Variants in LRCH2 observed in about 807,000 individuals in gnomAD.
LRCH2 encodes leucine-rich repeat and calponin homology domain-containing protein 2.
LRCH2 carries 38 observed loss-of-function variants against 68.9 expected under a neutral mutation model. The observed-to-expected ratio is 0.55, with a 90% CI of 0.43 to 0.72. The LOEUF is 0.72. LRCH2 is among the 30% of genes least tolerant of loss of function. The pLI is 0.00. For synonymous variants in LRCH2, 191 were observed against 208.1 expected, an observed-to-expected ratio of 0.92 and a Z score of 0.71; for missense variants, 528 against 572.9, an observed-to-expected ratio of 0.92 and a Z score of 0.80.
At chrX:115,142,988 T>G (rs1451016280) in intron 14 of LRCH2, among the ~76,000 whole-genome samples, 3 of 110,113 alleles carry the variant, frequency 2.7e-5, no homozygotes, top group African/African-American at 9.9e-5. Flanking sequence ...CCCAGCTACT[T>G]GGAAGGCTGA....
At chrX:115,188,443 C>T in intron 1 of LRCH2, 73 bp from the exon 2 acceptor site, 4 of 747,015 alleles carry the variant, frequency 5.4e-6, no homozygotes, top group Non-Finnish European at 7.4e-6. Flanking sequence ...TTCACACTTG[C>T]TGAATCACTT....
chrX:115,152,913 G>C (rs1241934510), intron 12 of LRCH2, among the ~76,000 whole-genome samples: 5 of 110,954 alleles, frequency 4.5e-5, no homozygotes, highest in African/African-American at 1.6e-4. Flanking sequence ...TATTCTCATA[G>C]AAAACAGTAC....
intron 1 of LRCH2, chrX:115,191,159 G>T: frequency 2.6e-6 from 3 of 1,167,149 alleles, no homozygotes; most frequent in Non-Finnish European, 2.3e-6. Flanking sequence ...GACGCCTACA[G>T]TGGGGGCCAC....
chrX:115,198,541 C>T (rs886478321), intron 1 of LRCH2: 11 of 134,435 alleles, frequency 8.2e-5, no homozygotes, highest in Non-Finnish European at 1.5e-4. Context: ...ACCAAACACA[C>T]CAAGTGTGTG....
rs782395548 is a variant in LRCH2, at chrX:115,165,405, C to T, written c.1355G>A (p.Arg452Lys). Residue 452 changes from arginine (R) to lysine (K), a missense_variant and splice_region_variant, in exon 10 of 21, where the codon AGA (arginine) becomes AAA (lysine). Arg to Lys is a conservative substitution (Grantham distance 26). Transcript: ENST00000317135. The stretch of plus-strand genomic sequence containing the variant: ...ACATTTCATTTTCATATGTGCTTAC[C>T]TTTTTTCATCTCCTAATTCTTCATT... ...RKNEELGDEK[R>K]LEKEQLLAEE... 195 of 1,113,444 alleles carry T rather than the reference C, an allele frequency of 1.8e-4. No individual in the cohort carries two copies. Among genetic ancestry groups the T allele is most frequent in the Admixed American group, 1.6e-4 (6 of 36,398 alleles). 91.8% of individuals were successfully genotyped at this position (1,113,444 alleles called of 1,213,427 possible). A position where few individuals can be genotyped will look rare whatever the true frequency, so the allele number is the denominator to read the frequency against.
intron 15 of LRCH2, among the ~76,000 whole-genome samples, chrX:115,129,026 A>G (rs781869820): frequency 5.3e-5 from 6 of 112,176 alleles, no homozygotes; most frequent in Non-Finnish European, 1.1e-4. Context: ...TTAGAAGCAA[A>G]AACTTTTTAA....
chrX:115,181,695 C>T (rs1189791768), intron 3 of LRCH2, among the ~76,000 whole-genome samples: 2 of 112,406 alleles, frequency 1.8e-5, no homozygotes, highest in African/African-American at 6.5e-5. Context: ...TGATTTACAA[C>T]TGTCAATTAG....
At chrX:115,134,227 G>C (rs1366190271) in intron 14 of LRCH2, among the ~76,000 whole-genome samples, 1 of 112,287 alleles carries the variant, frequency 8.9e-6, no homozygotes. Context: ...TGTAGAGGTT[G>C]GTTGGTTCAT....
At position 115,166,371 on chromosome X, in the gene LRCH2, T is replaced by C. The variant is rs782137891; in HGVS notation, c.999-29A>G. 2.9e-5 allele frequency: 29 copies of C among 990,556 alleles called. No homozygotes were observed. The African/African-American group carries it at 4.0e-4, about 14-fold the overall frequency. 81.6% of individuals were successfully genotyped at this position (990,556 alleles called of 1,213,427 possible). A position where few individuals can be genotyped will look rare whatever the true frequency, so the allele number is the denominator to read the frequency against. ...TGGAAATAGAAATCCTAAGAGCAGTTAGGATTTTCTTCTTAAATAGATAAT... is the reference window on the plus strand; with the variant it reads ...TGGAAATAGAAATCCTAAGAGCAGTCAGGATTTTCTTCTTAAATAGATAAT... On this transcript the variant is annotated intron_variant, in intron 6 of 20. Coordinates refer to ENST00000317135, the MANE Select transcript of LRCH2 (RefSeq NM_020871.4).
At chrX:115,229,030 T>C (rs2073136860) in intron 1 of LRCH2, among the ~76,000 whole-genome samples, 1 of 111,574 alleles carries the variant, frequency 9.0e-6, no homozygotes, top group Non-Finnish European at 1.9e-5. Context: ...CATAATCATG[T>C]TTCCAAAGTA....
chrX:115,163,605 G>C, intron 11 of LRCH2, 71 bp downstream of exon 11: 1 of 751,053 alleles, frequency 1.3e-6, no homozygotes. Context: ...CATATACTTT[G>C]ATAATCTTTA....
Position 115,170,450 on chromosome X carries a change from A to C in LRCH2, c.865-18T>G. On this transcript the variant is annotated intron_variant, in intron 5 of 20. Transcript: ENST00000317135. ...AAACATATCTGTCAATAAAAAATAA[A>C]GATTTAATTATATAGTTCCAAATAT... 7 of 1,051,301 alleles carry C rather than the reference A, an allele frequency of 6.7e-6. No homozygotes were observed. The highest frequency in any genetic ancestry group is 8.7e-6 in the Non-Finnish European group (7 of 806,238). The allele number at this position is 1,051,301 out of a possible 1,213,427, so 86.6% of individuals were successfully genotyped here.
In LRCH2 at chrX:115,189,898, C is replaced by T. The variant is rs1479634222; in HGVS notation, c.350-1528G>A. ...CCCGATGCCCAGGAAGCGCGGGCCG[C>T]CACCGCGGCACTGGGCCAGCCCACC... On this transcript the variant is annotated intron_variant, in intron 1 of 20. Coordinates refer to ENST00000317135, the MANE Select transcript of LRCH2 (RefSeq NM_020871.4). 8 of 1,161,052 alleles carry T rather than the reference C, an allele frequency of 6.9e-6. No homozygotes were observed. The Admixed American group carries it at 1.6e-4, about 23-fold the overall frequency.
At chrX:115,221,238 T>G (rs1447957945) in intron 1 of LRCH2, among the ~76,000 whole-genome samples, 2 of 79,684 alleles carry the variant, frequency 2.5e-5, no homozygotes, top group African/African-American at 5.1e-5. Context: ...TATATATATA[T>G]ATATATAAAC....
At chrX:115,206,120 A>G (rs782207622) in intron 1 of LRCH2, among the ~76,000 whole-genome samples, 2 of 112,041 alleles carry the variant, frequency 1.8e-5, no homozygotes, top group Non-Finnish European at 3.8e-5. Context: ...TCCAAATAAA[A>G]GATTATTTAG....
chrX:115,139,354 T>C (rs2806265), intron 14 of LRCH2, among the ~76,000 whole-genome samples: 36,333 of 111,566 alleles, frequency 0.33, 5,008 homozygotes, highest in African/African-American at 0.53. Context: ...TGTTTTATCA[T>C]AATAGTAATG....
intron 14 of LRCH2, among the ~76,000 whole-genome samples, chrX:115,147,369 GA>G (rs201238366): frequency 1.8e-5 from 2 of 110,073 alleles, no homozygotes. Flanking sequence ...GACATCTTAG[GA>G]AAAAAAACTA....
Position 115,233,781 on chromosome X carries a change from C to G in LRCH2, c.261G>C (p.Ala87=). The G allele has an allele frequency of 8.5e-7, 1 of 1,178,060 alleles. No homozygotes were observed. Among genetic ancestry groups the G allele is most frequent in the Non-Finnish European group, 1.1e-6 (1 of 878,141 alleles). ...TGAGGCTCAGGATGCCGGAGCTGCC[C>G]GCCTCTTCCAGGGCCCGGTCCAGGC... ...VRSLDRALEE[A]GSSGILSLSG... Residue 87 remains alanine (A), a synonymous_variant, in exon 1 of 21, where the codon GCG becomes GCC. Transcript: ENST00000317135.
chrX:115,162,470 G>C (rs2072527382), intron 11 of LRCH2, among the ~76,000 whole-genome samples: 1 of 111,782 alleles, frequency 8.9e-6, no homozygotes, highest in Admixed American at 9.5e-5. Context: ...AAGTTGAAAA[G>C]ATAAACATCA....
Sources: gnomAD v4.1 joint callset for allele counts (sites outside exome capture counted in the v4.1 genomes callset) on GRCh38, gnomAD v4.1.1 for gene constraint, MANE v1.5 for transcripts, NCBI Gene and HGNC (gene_info 2026-07-23, HGNC 2026-07-21) for gene names.